Variants in PDSS2 observed in about 807,000 individuals in gnomAD.
PDSS2 encodes the protein decaprenyl diphosphate synthase subunit 2.
PDSS2 carries 31 observed loss-of-function variants against 44.5 expected under a neutral mutation model. The observed-to-expected ratio is 0.70, with a 90% CI of 0.52 to 0.94. The LOEUF (loss-of-function observed/expected upper bound fraction) is 0.94, where lower values mean the gene tolerates loss of function less well. Ranked by LOEUF, PDSS2 falls within the 40% of genes least tolerant of loss-of-function variation. PDSS2 has a pLI of 0.00. For missense variants in PDSS2, 452 were observed against 482.2 expected (o/e 0.94, Z 0.59); for synonymous variants, 157 against 180.3 (o/e 0.87, Z 1.03).
At chr6:107,427,803 G>A (rs1043872040) in intron 1 of PDSS2, among the ~76,000 whole-genome samples, 1 of 152,004 alleles carries the variant, frequency 6.6e-6, no homozygotes, top group Non-Finnish European at 1.5e-5. Context: ...AGATTGGATT[G>A]TTACTTTAAA....
intron 1 of PDSS2, among the ~76,000 whole-genome samples, chr6:107,339,709 G>A (rs1367110793): frequency 2.6e-5 from 4 of 152,018 alleles, no homozygotes; most frequent in Non-Finnish European, 5.9e-5. Flanking sequence ...GAAAAAAAGG[G>A]GGAGTGGGAA....
At chr6:107,387,833 C>CT (rs749921465) in intron 1 of PDSS2, among the ~76,000 whole-genome samples, 1 of 152,200 alleles carries the variant, frequency 6.6e-6, no homozygotes, top group Non-Finnish European at 1.5e-5. Flanking sequence ...AAATTACACT[C>CT]TGAGTGCTGG....
intron 1 of PDSS2, among the ~76,000 whole-genome samples, chr6:107,398,462 G>A (rs1163799468): frequency 6.6e-6 from 1 of 152,046 alleles, no homozygotes; most frequent in Non-Finnish European, 1.5e-5. Context: ...CTGAATTTCT[G>A]ATACAGTAAA....
chr6:107,375,952 C>G (rs1779272481), intron 1 of PDSS2, among the ~76,000 whole-genome samples: 1 of 151,540 alleles, frequency 6.6e-6, no homozygotes, highest in African/African-American at 2.4e-5. Flanking sequence ...TGACAAAATT[C>G]AACATCCATT....
chr6:107,264,438 GTGT>G, intron 3 of PDSS2: 2 of 1,548,986 alleles, frequency 1.3e-6, no homozygotes, highest in Non-Finnish European at 1.7e-6. Flanking sequence ...ATGCTCTTGG[GTGT>G]TTAGACAAGA....
chr6:107,424,059 T>TTTTG (rs1554279698), intron 1 of PDSS2, among the ~76,000 whole-genome samples: 1 of 143,372 alleles, frequency 7.0e-6, no homozygotes, highest in Non-Finnish European at 1.5e-5. Flanking sequence ...TTTTTTTTTT[T>TTTTG]GGGACAGGGT....
intron 1 of PDSS2, among the ~76,000 whole-genome samples, chr6:107,408,717 A>AT (rs1167822454): frequency 6.6e-6 from 1 of 152,106 alleles, no homozygotes; most frequent in Non-Finnish European, 1.5e-5. Context: ...TGGGAATGCT[A>AT]TTTTTTCATT....
chr6:107,434,722 C>A (rs547953047), intron 1 of PDSS2, among the ~76,000 whole-genome samples: 1 of 151,882 alleles, frequency 6.6e-6, no homozygotes, highest in East Asian at 1.9e-4. Context: ...ATTTACTGTA[C>A]ATTTTAAAAT....
intron 1 of PDSS2, among the ~76,000 whole-genome samples, chr6:107,430,306 C>T (rs998181312): frequency 1.3e-5 from 2 of 152,030 alleles, no homozygotes; most frequent in African/African-American, 4.8e-5. Context: ...TCAAGACTAG[C>T]CTGGCGAACA....
intron 2 of PDSS2, among the ~76,000 whole-genome samples, chr6:107,292,429 CA>C (rs1776378658): frequency 6.6e-6 from 1 of 152,124 alleles, no homozygotes; most frequent in African/African-American, 2.4e-5. Context: ...CCATACCTGC[CA>C]GCCAATCTAC....
At chr6:107,157,861 CG>C (rs1770964238) in intron 7 of PDSS2, among the ~76,000 whole-genome samples, 1 of 151,856 alleles carries the variant, frequency 6.6e-6, no homozygotes, top group Admixed American at 6.6e-5. Context: ...TTAGTAGAGA[CG>C]GGGTTTCACC....
At chr6:107,317,299 T>A (rs1582933283) in intron 2 of PDSS2, among the ~76,000 whole-genome samples, 2 of 152,010 alleles carry the variant, frequency 1.3e-5, no homozygotes, top group South Asian at 4.2e-4. Context: ...TGTTCAGTAA[T>A]AACAGAAAAA....
At chr6:107,263,146 T>C (rs1775299414) in intron 3 of PDSS2, among the ~76,000 whole-genome samples, 1 of 148,532 alleles carries the variant, frequency 6.7e-6, no homozygotes, top group Admixed American at 6.8e-5. Context: ...AGATTTTTTT[T>C]TTTCTTTTTA....
rs548346288 is a variant in PDSS2, at chr6:107,284,738, GAAGT to G, written c.432-10515_432-10512del. On this transcript the variant is annotated intron_variant, in intron 2 of 7. Transcript: ENST00000369037. Reference sequence around the variant, plus strand: ...ACCCTTCATTCCTCTTTCAGACTTTGAAGTAAATGCCAGATATGTCACTTCATCT... The same window carrying G: ...ACCCTTCATTCCTCTTTCAGACTTTGAAATGCCAGATATGTCACTTCATCT... 6.0e-5 allele frequency among the ~76,000 whole-genome samples: 9 copies of G among 151,100 alleles called. No homozygotes were observed. The South Asian group carries it at 1.9e-3, about 32-fold the overall frequency.
At chr6:107,417,447 C>T (rs982542660) in intron 1 of PDSS2, among the ~76,000 whole-genome samples, 3 of 152,082 alleles carry the variant, frequency 2.0e-5, no homozygotes, top group African/African-American at 7.2e-5. Context: ...ACATCCACAT[C>T]ATGGAATCTA....
chr6:107,355,055 C>T (rs1283257869), intron 1 of PDSS2, among the ~76,000 whole-genome samples: 1 of 152,102 alleles, frequency 6.6e-6, no homozygotes, highest in Non-Finnish European at 1.5e-5. Context: ...GCCTCAGCCT[C>T]CCCAGTAGCT....
At chr6:107,402,603 C>T (rs1167319449) in intron 1 of PDSS2, among the ~76,000 whole-genome samples, 1 of 144,236 alleles carries the variant, frequency 6.9e-6, no homozygotes, top group Admixed American at 7.0e-5. Context: ...ATTCACAGTT[C>T]CACATGGCTA....
In PDSS2 at chr6:107,279,650, T is replaced by A. The variant is rs556498518; in HGVS notation, c.432-5423A>T. ...AAATTATAAGATTCAGGGATTTTTT[T>A]AAAAAAAGAGTTATCTAAACTGGCA... On this transcript the variant is annotated intron_variant, in intron 2 of 7. Coordinates refer to ENST00000369037, the MANE Select transcript of PDSS2 (RefSeq NM_020381.4). Among the ~76,000 whole-genome samples the A allele has an allele frequency of 3.9e-5, 6 of 152,182 alleles. No homozygotes were observed. The East Asian group carries it at 5.8e-4, about 15-fold the overall frequency.
intron 2 of PDSS2, among the ~76,000 whole-genome samples, chr6:107,331,883 T>C (rs1381707807): frequency 3.9e-5 from 6 of 151,944 alleles, no homozygotes; most frequent in Non-Finnish European, 7.4e-5. Context: ...GTTATCCAAA[T>C]ATACAAGCAG....
Sources: allele counts gnomAD v4.1 joint callset (sites outside exome capture counted in the v4.1 genomes callset), GRCh38; gene constraint gnomAD v4.1.1; transcripts MANE v1.5; gene names NCBI Gene and HGNC (gene_info 2026-07-23, HGNC 2026-07-21).